TDRD15: variants seen among roughly 807,000 people sequenced by gnomAD.
TDRD15 encodes the protein tudor domain-containing protein 15.
For missense variants in TDRD15, 1,416 were observed against 904.7 expected, an observed-to-expected ratio of 1.57 and a Z score of -7.25; for synonymous variants, 503 against 314.5, an observed-to-expected ratio of 1.60 and a Z score of -6.34.
rs1164265725 is a variant in TDRD15, at chr2:21,142,333, T to C, written c.4866T>C (p.Asn1622=). Residue 1622 remains asparagine, a synonymous_variant, in exon 4 of 4, where the codon AAT becomes AAC. Coordinates refer to ENST00000405799, the MANE Select transcript of TDRD15 (RefSeq NM_001306137.2). The part of the protein sequence containing the change: ...CGIYEIVPVC[N]TKLLSNEIRN... The stretch of plus-strand genomic sequence containing the variant: ...TCTATGAAATAGTACCTGTATGTAA[T>C]ACCAAGCTGCTTAGTAATGAAATAA... 1.5e-6 allele frequency: 1 copy of C among 689,202 alleles called. No homozygotes were observed. The highest frequency in any genetic ancestry group is 2.7e-6 in the Non-Finnish European group (1 of 375,774). 42.7% of individuals were successfully genotyped at this position (689,202 alleles called of 1,614,324 possible).
At position 21,128,789 on chromosome 2, in the gene TDRD15, TTTTG is replaced by T. The variant is rs1243398595; in HGVS notation, c.-90+1082_-90+1085del. ...TAACTTTATGGCATTTTGAAAAGAA[TTTTG>T]TTTCTTTTTTTTTTTTTCTTCACTG... is the stretch of plus-strand genomic sequence containing the variant. On this transcript the variant is annotated intron_variant, in intron 2 of 3. Transcript: ENST00000405799. Among the ~76,000 whole-genome samples the T allele has an allele frequency of 1.7e-3, 263 of 152,102 alleles. 1 individual carries two copies. The highest frequency in any genetic ancestry group is 5.4e-3 in the African/African-American group (223 of 41,538).
At chr2:21,125,832 T>A (rs1475981776) in intron 1 of TDRD15, among the ~76,000 whole-genome samples, 1 of 152,174 alleles carries the variant, frequency 6.6e-6, no homozygotes, top group Admixed American at 6.5e-5. Context: ...ACGTAAGATA[T>A]CATTTTAGTA....
chr2:21,138,563 G>T lies in TDRD15; in HGVS notation c.1096G>T (p.Ala366Ser). 1 of 714,896 alleles carries T rather than the reference G, an allele frequency of 1.4e-6. No homozygotes were observed. The highest frequency in any genetic ancestry group is 2.6e-6 in the Non-Finnish European group (1 of 384,046). The allele number at this position is 714,896 out of a possible 1,614,324, so 44.3% of individuals were successfully genotyped here. A position where few individuals can be genotyped will look rare whatever the true frequency, so the allele number is the denominator to read the frequency against. Residue 366 changes from alanine to serine, a missense_variant, in exon 4 of 4, where the codon GCA (alanine) becomes TCA (serine). Coordinates refer to ENST00000405799, the MANE Select transcript of TDRD15 (RefSeq NM_001306137.2). ...LTCLHSPDRDARIFQLSIFKQ... is the reference protein window; with the variant it reads ...LTCLHSPDRDSRIFQLSIFKQ... ...ATGTTTGCACAGTCCAGATAGAGAT[G>T]CAAGAATATTTCAACTGAGTATATT...
intron 2 of TDRD15, among the ~76,000 whole-genome samples, chr2:21,130,578 C>T (rs902464348): frequency 2.6e-5 from 4 of 152,166 alleles, no homozygotes; most frequent in East Asian, 1.9e-4. Context: ...TGTGTGAGGT[C>T]GGGGTCTGAC....
chr2:21,129,982 T>C (rs1224483347), intron 2 of TDRD15, among the ~76,000 whole-genome samples: 5 of 152,162 alleles, frequency 3.3e-5, no homozygotes, highest in African/African-American at 1.2e-4. Flanking sequence ...GTGAGCATGC[T>C]AGTTCAAGTC....
chr2:21,124,660 GTGTA>G (rs1424200791), intron 1 of TDRD15, among the ~76,000 whole-genome samples: 1 of 146,536 alleles, frequency 6.8e-6, no homozygotes, highest in Admixed American at 6.8e-5. Flanking sequence ...GCCAGGGTGT[GTGTA>G]TGTGTGACAG....
At position 21,142,922 on chromosome 2, in the gene TDRD15, T is replaced by C. The variant is rs1665964972; in HGVS notation, c.5455T>C (p.Phe1819Leu). ...ATGTCTTGTGTTGGTTGACTATGGATTTTCTTTTTATATACGTTATTCAGA... is the reference window on the plus strand; with the variant it reads ...ATGTCTTGTGTTGGTTGACTATGGACTTTCTTTTTATATACGTTATTCAGA... ...SLCLVLVDYG[F>L]SFYIRYSEII... The change falls in exon 4 of 4, where the codon TTT (phenylalanine) becomes CTT (leucine). Residue 1819 changes from phenylalanine to leucine, a missense_variant. Physicochemically the swap from Phe to Leu is conservative, Grantham distance 22. Coordinates refer to ENST00000405799, the MANE Select transcript of TDRD15 (RefSeq NM_001306137.2). The C allele has an allele frequency of 1.4e-6, 1 of 696,294 alleles. No individual in the cohort carries two copies. The allele number at this position is 696,294 out of a possible 1,614,324, so 43.1% of individuals were successfully genotyped here. A position where few individuals can be genotyped will look rare whatever the true frequency, so the allele number is the denominator to read the frequency against.
At position 21,135,785 on chromosome 2, in the gene TDRD15, T is replaced by G. The variant is rs58565892; in HGVS notation, c.-4+938T>G. 9.3e-3 allele frequency among the ~76,000 whole-genome samples: 1,419 copies of G among 152,082 alleles called. 24 individuals carry two copies. Among genetic ancestry groups the G allele is most frequent in the African/African-American group, 0.031 (1,278 of 41,494 alleles). On this transcript the variant is annotated intron_variant, in intron 3 of 3. Coordinates refer to ENST00000405799, the MANE Select transcript of TDRD15 (RefSeq NM_001306137.2). ...TGTTACTGGCATTAAGTGAGAGCCA[T>G]GTATAAACCAGATGTTTACCCCTTC... is the stretch of plus-strand genomic sequence containing the variant.
At chr2:21,125,434 G>GTGTA (rs1478191812) in intron 1 of TDRD15, among the ~76,000 whole-genome samples, 20 of 149,762 alleles carry the variant, frequency 1.3e-4, no homozygotes, top group South Asian at 1.1e-3. Flanking sequence ...GCCAGGGTGT[G>GTGTA]TGTGTGTGTG....
rs1203200018 is a variant in TDRD15, at chr2:21,140,930, A to G, written c.3463A>G (p.Lys1155Glu). 1 of 708,354 alleles carries G rather than the reference A, an allele frequency of 1.4e-6. No individual in the cohort carries two copies. Among genetic ancestry groups the G allele is most frequent in the Non-Finnish European group, 2.6e-6 (1 of 382,020 alleles). 43.9% of individuals were successfully genotyped at this position (708,354 alleles called of 1,614,324 possible). ...TTGTGACCAAGCATGCTGCATGGAAAAGAGTAATAAAATAAATGAGAATAA... is the reference window on the plus strand; with the variant it reads ...TTGTGACCAAGCATGCTGCATGGAAGAGAGTAATAAAATAAATGAGAATAA... ...RHCDQACCME[K>E]SNKINENKRF... The change falls in exon 4 of 4, where the codon AAG (lysine) becomes GAG (glutamate). Residue 1155 changes from lysine (K) to glutamate (E), a missense_variant. By Grantham distance (56) the Lys-to-Glu change is moderately conservative. Coordinates refer to ENST00000405799, the MANE Select transcript of TDRD15 (RefSeq NM_001306137.2).
intron 2 of TDRD15, among the ~76,000 whole-genome samples, chr2:21,132,625 A>AAAT (rs774914723): frequency 3.9e-5 from 6 of 152,168 alleles, no homozygotes; most frequent in Non-Finnish European, 7.4e-5. Context: ...GCAGTAAATT[A>AAAT]AATTGATTTT....
chr2:21,136,934 C>T (rs1480518214), intron 3 of TDRD15, among the ~76,000 whole-genome samples: 4 of 152,042 alleles, frequency 2.6e-5, no homozygotes, highest in South Asian at 2.1e-4. Flanking sequence ...ATAATGATGC[C>T]GATAGAGTCC....
chr2:21,136,004 C>T (rs1006257432), intron 3 of TDRD15, among the ~76,000 whole-genome samples: 1 of 151,966 alleles, frequency 6.6e-6, no homozygotes, highest in Non-Finnish European at 1.5e-5. Flanking sequence ...ACTTTTTATA[C>T]ATGAAAAAGG....
intron 2 of TDRD15, among the ~76,000 whole-genome samples, chr2:21,128,274 A>G (rs895834048): frequency 1.3e-5 from 2 of 150,696 alleles, no homozygotes; most frequent in African/African-American, 2.4e-5. Flanking sequence ...CTTTTTATCT[A>G]TATTCCATGT....
rs188548816 is a variant in TDRD15 at position 21,140,717 on chromosome 2, G to C, written c.3250G>C (p.Asp1084His). 1.3e-5 allele frequency: 9 copies of C among 713,194 alleles called. No homozygotes were observed. Among genetic ancestry groups the C allele is most frequent in the Admixed American group, 1.2e-4 (6 of 49,558 alleles). 44.2% of individuals were successfully genotyped at this position (713,194 alleles called of 1,614,324 possible). A position where few individuals can be genotyped will look rare whatever the true frequency, so the allele number is the denominator to read the frequency against. ...PMQAIKCFLS[D>H]LRDVDIPAEI... ...GCAAGCTATTAAGTGTTTTTTGTCAGATCTTAGGGATGTAGATATTCCAGC... is the reference window on the plus strand; with the variant it reads ...GCAAGCTATTAAGTGTTTTTTGTCACATCTTAGGGATGTAGATATTCCAGC... Residue 1084 changes from aspartate to histidine, a missense_variant, in exon 4 of 4, where the codon GAT becomes CAT. Asp to His is a moderately conservative substitution (Grantham distance 81). Coordinates refer to ENST00000405799, the MANE Select transcript of TDRD15 (RefSeq NM_001306137.2).
chr2:21,142,230 C>A lies in TDRD15; in HGVS notation c.4763C>A (p.Thr1588Asn), dbSNP rs1243331605. The change falls in exon 4 of 4, where the codon ACC (threonine) becomes AAC (asparagine). Residue 1588 changes from threonine to asparagine, a missense_variant. Transcript: ENST00000405799. ...GAATGCTTGGCAAAATCTAAAAATA[C>A]CTTGAAATGGCATCGATCAAAAGTA... ...GLECLAKSKN[T>N]LKWHRSKVEE... The A allele has an allele frequency of 1.4e-6, 1 of 694,924 alleles. No homozygotes were observed. The highest frequency in any genetic ancestry group is 2.6e-6 in the Non-Finnish European group (1 of 378,704). 43.0% of individuals were successfully genotyped at this position (694,924 alleles called of 1,614,324 possible). A position where few individuals can be genotyped will look rare whatever the true frequency, so the allele number is the denominator to read the frequency against.
At chr2:21,134,902 G>T (rs2103440637) in intron 3 of TDRD15, 55 bp downstream of exon 3, 1 of 150,578 alleles carries the variant, frequency 6.6e-6, no homozygotes, top group Non-Finnish European at 1.5e-5. Context: ...TTTGAATAAG[G>T]GTTGGATCTA....
rs1340335492 is a variant in TDRD15, at chr2:21,142,583, A to T, written c.5116A>T (p.Ile1706Phe). 2 of 710,844 alleles carry T rather than the reference A, an allele frequency of 2.8e-6. No individual in the cohort carries two copies. Among genetic ancestry groups the T allele is most frequent in the Non-Finnish European group, 5.2e-6 (2 of 382,758 alleles). 44.0% of individuals were successfully genotyped at this position (710,844 alleles called of 1,614,324 possible). ...AGAAAACAAACTTAGACTTGCAGAA[A>T]TTGTTTACAACATTGAATCTAAGAC... ...VEENKLRLAE[I>F]VYNIESKTPV... Residue 1706 changes from isoleucine (I) to phenylalanine (F), a missense_variant, in exon 4 of 4, where the codon ATT becomes TTT. Transcript: ENST00000405799.
At position 21,141,858 on chromosome 2, in the gene TDRD15, A is replaced by G. The variant is rs770133907; in HGVS notation, c.4391A>G (p.Asn1464Ser). Residue 1464 changes from asparagine (N) to serine (S), a missense_variant, in exon 4 of 4, where the codon AAT becomes AGT. By Grantham distance (46) the Asn-to-Ser change is conservative (BLOSUM62 1). Transcript: ENST00000405799. ...ATTTGTGATGAAAAATGTGTCATTA[A>G]TGAACTACTGAAATGGAAAGCATGT... The part of the protein sequence containing the change: ...NMICDEKCVI[N>S]ELLKWKACSK... The G allele has an allele frequency of 2.0e-5, 14 of 715,292 alleles. No individual in the cohort carries two copies. Among genetic ancestry groups the G allele is most frequent in the African/African-American group, 1.9e-4 (11 of 57,158 alleles). 44.3% of individuals were successfully genotyped at this position (715,292 alleles called of 1,614,324 possible).
Sources: allele counts gnomAD v4.1 joint callset (sites outside exome capture counted in the v4.1 genomes callset), GRCh38; gene constraint gnomAD v4.1.1; transcripts MANE v1.5; gene names NCBI Gene and HGNC (gene_info 2026-07-23, HGNC 2026-07-21).